The following FTO variants were observed in gnomAD, a reference collection of about 807,000 sequenced individuals.
The protein encoded by FTO is alpha-ketoglutarate-dependent dioxygenase FTO.
Under a neutral mutation model 63.9 loss-of-function variants are expected in FTO, and 47 were observed. That is an observed-to-expected ratio of 0.74 (90% CI 0.58 to 0.94). The LOEUF (loss-of-function observed/expected upper bound fraction) is 0.94, where lower values mean the gene tolerates loss of function less well. Among genes scored for constraint, FTO ranks in the 40% least tolerant of loss-of-function variants. The probability of loss-of-function intolerance (pLI) is 0.00; values close to 1 mark genes in which losing one functional copy is unlikely to be tolerated. For missense variants in FTO, 562 were observed against 618.1 expected (o/e 0.91, Z 0.96); for synonymous variants, 207 against 224.4 (o/e 0.92, Z 0.69).
intron 8 of FTO, chr16:53,937,842 C>T (rs1199706597): frequency 1.3e-5 from 2 of 152,180 alleles, no homozygotes; most frequent in Non-Finnish European, 2.9e-5. Flanking sequence ...AGGTACAGTT[C>T]AATGTCCACA....
chr16:54,066,092 C>T (rs947069878), intron 8 of FTO, among the ~76,000 whole-genome samples: 2 of 152,152 alleles, frequency 1.3e-5, no homozygotes, highest in Non-Finnish European at 2.9e-5. Context: ...TATTATTGGT[C>T]CCGCCTTGCC....
intron 8 of FTO, among the ~76,000 whole-genome samples, chr16:53,946,250 G>A (rs756999498): frequency 1.3e-5 from 2 of 152,102 alleles, no homozygotes; most frequent in Non-Finnish European, 2.9e-5. Context: ...TATTTGAATC[G>A]TTCCAATGTG....
chr16:53,728,937 T>C (rs1163007257), intron 1 of FTO, among the ~76,000 whole-genome samples: 1 of 151,348 alleles, frequency 6.6e-6, no homozygotes, highest in African/African-American at 2.4e-5. Flanking sequence ...TTTTTTTTTG[T>C]ATTTTTAGTA....
At chr16:53,864,062 C>A (rs1420340975) in intron 4 of FTO, among the ~76,000 whole-genome samples, 1 of 152,142 alleles carries the variant, frequency 6.6e-6, no homozygotes, top group South Asian at 2.1e-4. Context: ...AGGAACCTTC[C>A]CCTCCCCCTT....
intron 8 of FTO, chr16:53,999,705 T>C (rs1359352728): frequency 6.6e-6 from 1 of 152,224 alleles, no homozygotes; most frequent in African/African-American, 2.4e-5. Context: ...TTACCTCTAA[T>C]AGAGATTGTA....
chr16:53,732,488 C>T (rs2076295607), intron 1 of FTO, among the ~76,000 whole-genome samples: 1 of 152,182 alleles, frequency 6.6e-6, no homozygotes, highest in Non-Finnish European at 1.5e-5. Context: ...AATGTGGTAT[C>T]AAGTCACTTT....
At chr16:53,711,069 G>C (rs2075761895) in intron 1 of FTO, among the ~76,000 whole-genome samples, 1 of 151,064 alleles carries the variant, frequency 6.6e-6, no homozygotes, top group Non-Finnish European at 1.5e-5. Context: ...CTGGCATACA[G>C]TAAAAATAAA....
At chr16:54,058,651 C>G (rs1168026014) in intron 8 of FTO, among the ~76,000 whole-genome samples, 1 of 152,122 alleles carries the variant, frequency 6.6e-6, no homozygotes, top group Non-Finnish European at 1.5e-5. Context: ...TGATACCATC[C>G]TCCTGCAGGT....
chr16:53,966,609 G>C (rs567738501), intron 8 of FTO, among the ~76,000 whole-genome samples: 1 of 152,250 alleles, frequency 6.6e-6, no homozygotes, highest in South Asian at 2.1e-4. Flanking sequence ...GGTTTCAGTT[G>C]CTCTGGAGAA....
At chr16:53,756,618 C>T (rs1050837211) in intron 1 of FTO, among the ~76,000 whole-genome samples, 27 of 152,098 alleles carry the variant, frequency 1.8e-4, no homozygotes, top group Admixed American at 1.4e-3. Context: ...TGCAGAGATG[C>T]GTAATTATTT....
chr16:53,857,807 G>C (rs1032390941), intron 4 of FTO, among the ~76,000 whole-genome samples: 4 of 152,148 alleles, frequency 2.6e-5, no homozygotes, highest in African/African-American at 4.8e-5. Flanking sequence ...TCTTTAACCT[G>C]GATTCCTTTG....
At chr16:53,804,776 C>T (rs948577948) in intron 1 of FTO, among the ~76,000 whole-genome samples, 4 of 151,774 alleles carry the variant, frequency 2.6e-5, no homozygotes, top group South Asian at 2.1e-4. Flanking sequence ...CCACCATGGC[C>T]GGCTAATTTT....
intron 1 of FTO, among the ~76,000 whole-genome samples, chr16:53,741,386 A>G (rs2076524811): frequency 1.3e-5 from 2 of 152,222 alleles, no homozygotes; most frequent in African/African-American, 4.8e-5. Context: ...TAGTGTTTAC[A>G]AGTAACTTCT....
intron 8 of FTO, among the ~76,000 whole-genome samples, chr16:53,969,113 C>T (rs894156599): frequency 6.6e-6 from 1 of 152,172 alleles, no homozygotes; most frequent in African/African-American, 2.4e-5. Flanking sequence ...GACTGGTTCT[C>T]CTTAGAGAAT....
intron 8 of FTO, among the ~76,000 whole-genome samples, chr16:54,073,886 G>T (rs1298741601): frequency 6.6e-6 from 1 of 152,066 alleles, no homozygotes; most frequent in African/African-American, 2.4e-5. Flanking sequence ...AAAATTGAGT[G>T]CAAATTCAGG....
intron 1 of FTO, among the ~76,000 whole-genome samples, chr16:53,776,102 A>G (rs16952525): frequency 0.023 from 3,475 of 152,136 alleles, 144 homozygotes; most frequent in African/African-American, 0.079. Flanking sequence ...GAAATTAACT[A>G]TTTGCTTTGA....
chr16:53,882,669 G>GTA (rs1212232212), intron 6 of FTO, among the ~76,000 whole-genome samples: 2 of 152,178 alleles, frequency 1.3e-5, no homozygotes, highest in African/African-American at 4.8e-5. Flanking sequence ...GCAGCAGATT[G>GTA]TATAGGTCCT....
At chr16:53,792,790 G>T (rs182647805) in intron 1 of FTO, among the ~76,000 whole-genome samples, 2 of 152,256 alleles carry the variant, frequency 1.3e-5, no homozygotes, top group East Asian at 1.9e-4. Context: ...ATCTGAACAG[G>T]TGTGGCCAAG....
chr16:54,008,464 A>G (rs966571533), intron 8 of FTO: 2 of 151,670 alleles, frequency 1.3e-5, no homozygotes, highest in African/African-American at 2.4e-5. Flanking sequence ...AGGATCTTCA[A>G]TGGAACTCTA....
Sources: gnomAD v4.1 joint callset for allele counts (sites outside exome capture counted in the v4.1 genomes callset) on GRCh38, gnomAD v4.1.1 for gene constraint, MANE v1.5 for transcripts, NCBI Gene and HGNC (gene_info 2026-07-23, HGNC 2026-07-21) for gene names.